Variants in RGS18 observed in about 807,000 individuals in gnomAD.
RGS18 encodes the protein regulator of G protein signaling 18, also known as regulator of G-protein signaling 18.
RGS18 carries 22 observed loss-of-function variants against 27.6 expected under a neutral mutation model. That is an observed-to-expected ratio of 0.80 (90% CI 0.57 to 1.14). The LOEUF is 1.14. RGS18 is among the 50% of genes most tolerant of loss of function. RGS18 has a pLI of 0.00. For missense variants in RGS18, 299 were observed against 269.6 expected (o/e 1.11, Z -0.76); for synonymous variants, 89 against 84.6 (o/e 1.05, Z -0.29).
chr1:192,181,412 C>G lies in RGS18; in HGVS notation c.404C>G (p.Ala135Gly). Residue 135 changes from alanine to glycine, a missense_variant, in exon 4 of 5, where the codon GCA becomes GGA. Ala to Gly is a moderately conservative substitution (Grantham distance 60, BLOSUM62 0). Coordinates refer to ENST00000367460, the MANE Select transcript of RGS18 (RefSeq NM_130782.3). ...SKGPQQIHLK[A>G]KAIYEKFIQT... ...GGACCTCAACAAATTCACCTTAAAG[C>G]AAAAGCAATATATGAGAAATTTATA... 6.3e-7 allele frequency: 1 copy of G among 1,586,330 alleles called. No individual in the cohort carries two copies.
chr1:192,181,551 T>C (rs1469998531), intron 4 of RGS18, 93 bp downstream of exon 4: 1 of 831,166 alleles, frequency 1.2e-6, no homozygotes, highest in East Asian at 3.2e-5. Flanking sequence ...TTCCAACTTA[T>C]TTTTATTAAT....
chr1:192,171,970 T>C (rs1369719676), intron 3 of RGS18, among the ~76,000 whole-genome samples: 1 of 152,092 alleles, frequency 6.6e-6, no homozygotes, highest in Admixed American at 6.6e-5. Flanking sequence ...TAAATCAAGA[T>C]GTCAGCAGGC....
At chr1:192,163,021 C>T (rs550949474) in intron 3 of RGS18, among the ~76,000 whole-genome samples, 12 of 152,246 alleles carry the variant, frequency 7.9e-5, no homozygotes, top group Non-Finnish European at 1.3e-4. Context: ...CAGTGAAATT[C>T]GAGTTTTAGT....
Position 192,181,361 on chromosome 1 carries a change from C to G in RGS18, c.353C>G (p.Ala118Gly). Reference sequence around the variant, plus strand: ...GAAGAAAATATTGAATTTTGGATAGCCTGTGAAGATTTCAAGAAAAGCAAG... The same window carrying G: ...GAAGAAAATATTGAATTTTGGATAGGCTGTGAAGATTTCAAGAAAAGCAAG... ...FSEENIEFWI[A>G]CEDFKKSKGP... The change falls in exon 4 of 5, where the codon GCC becomes GGC. Residue 118 changes from alanine (A) to glycine (G), a missense_variant. By Grantham distance (60) the Ala-to-Gly change is moderately conservative. Coordinates refer to ENST00000367460, the MANE Select transcript of RGS18 (RefSeq NM_130782.3). 6.3e-7 allele frequency: 1 copy of G among 1,588,798 alleles called. No homozygotes were observed. The highest frequency in any genetic ancestry group is 1.2e-5 in the South Asian group (1 of 86,240).
At position 192,158,617 on chromosome 1, in the gene RGS18, T is replaced by A. The variant is rs1292534645; in HGVS notation, c.-21T>A. The A allele has an allele frequency of 2.0e-6, 3 of 1,522,182 alleles. No homozygotes were observed. Among genetic ancestry groups the A allele is most frequent in the Non-Finnish European group, 8.8e-7 (1 of 1,136,540 alleles). 94.3% of individuals were successfully genotyped at this position (1,522,182 alleles called of 1,614,324 possible). Reference sequence around the variant, plus strand: ...AGGGAAGGATGTAATAAATTAGACATCTCTTCATTTTAGAGAGAAGATGGA... The same window carrying A: ...AGGGAAGGATGTAATAAATTAGACAACTCTTCATTTTAGAGAGAAGATGGA... On this transcript the variant is annotated 5_prime_UTR_variant, in exon 1 of 5. Coordinates refer to ENST00000367460, the MANE Select transcript of RGS18 (RefSeq NM_130782.3).
At chr1:192,161,067 G>T (rs1166995985) in intron 3 of RGS18, among the ~76,000 whole-genome samples, 2 of 152,126 alleles carry the variant, frequency 1.3e-5, no homozygotes, top group African/African-American at 2.4e-5. Context: ...AGCCAGGATG[G>T]TCTCAATCTG....
At chr1:192,167,510 C>T (rs1471900360) in intron 3 of RGS18, among the ~76,000 whole-genome samples, 1 of 152,068 alleles carries the variant, frequency 6.6e-6, no homozygotes, top group Non-Finnish European at 1.5e-5. Context: ...ACCTCCACCT[C>T]CTGGGTTCAA....
intron 3 of RGS18, among the ~76,000 whole-genome samples, chr1:192,161,141 C>T (rs896657657): frequency 4.6e-5 from 7 of 152,262 alleles, no homozygotes; most frequent in East Asian, 1.9e-4. Flanking sequence ...TGAACCACTG[C>T]GCCCCGCTCC....
At chr1:192,180,926 C>A (rs1315656915) in intron 3 of RGS18, among the ~76,000 whole-genome samples, 2 of 151,602 alleles carry the variant, frequency 1.3e-5, no homozygotes, top group African/African-American at 4.8e-5. Flanking sequence ...GAAGTAGGAT[C>A]CGTTCCAACT....
intron 2 of RGS18, among the ~76,000 whole-genome samples, chr1:192,159,570 T>A (rs577169107): frequency 2.0e-5 from 3 of 152,192 alleles, no homozygotes; most frequent in Admixed American, 2.0e-4. Flanking sequence ...CAGTTTTAAA[T>A]GACATGTTTT....
chr1:192,172,454 C>A (rs1352334931), intron 3 of RGS18, among the ~76,000 whole-genome samples: 2 of 151,906 alleles, frequency 1.3e-5, no homozygotes, highest in African/African-American at 4.8e-5. Flanking sequence ...CAAGCATATG[C>A]CAGCAGGCTT....
intron 3 of RGS18, among the ~76,000 whole-genome samples, chr1:192,170,162 C>T (rs1397809802): frequency 6.6e-6 from 1 of 152,076 alleles, no homozygotes; most frequent in Non-Finnish European, 1.5e-5. Flanking sequence ...CATTGCCCCA[C>T]ATTTCAAATT....
At chr1:192,167,439 A>G (rs1309558477) in intron 3 of RGS18, among the ~76,000 whole-genome samples, 1 of 149,638 alleles carries the variant, frequency 6.7e-6, no homozygotes, top group Non-Finnish European at 1.5e-5. Context: ...TTTTTTTTTT[A>G]TATTGAATCT....
chr1:192,178,488 G>A (rs1656395577), intron 3 of RGS18, among the ~76,000 whole-genome samples: 1 of 151,554 alleles, frequency 6.6e-6, no homozygotes, highest in African/African-American at 2.4e-5. Context: ...ATAGTCAGAG[G>A]TGTAATAGGA....
chr1:192,173,586 C>T (rs188513358), intron 3 of RGS18, among the ~76,000 whole-genome samples: 234 of 151,744 alleles, frequency 1.5e-3, no homozygotes, highest in African/African-American at 5.0e-3. Flanking sequence ...TATTTTTGGG[C>T]GGAGAGAAAT....
chr1:192,162,385 T>C (rs1656089406), intron 3 of RGS18, among the ~76,000 whole-genome samples: 1 of 152,156 alleles, frequency 6.6e-6, no homozygotes, highest in African/African-American at 2.4e-5. Context: ...CTCAGCTCAT[T>C]GCAACCTCCA....
chr1:192,178,037 T>G (rs1037872265), intron 3 of RGS18, among the ~76,000 whole-genome samples: 3 of 151,524 alleles, frequency 2.0e-5, no homozygotes. Flanking sequence ...GTGTGAGAGA[T>G]AGTTCCGGTC....
rs543130039 is a variant in RGS18 at position 192,178,442 on chromosome 1, TGAA to T, written c.284-2845_284-2843del. On this transcript the variant is annotated intron_variant, in intron 3 of 4. Transcript: ENST00000367460. The stretch of plus-strand genomic sequence containing the variant: ...TCAGGAAATGAGTTTAAGGGAAAGA[TGAA>T]GAAGGATAAACTGAGAAGGATTTGG... 7.8e-4 allele frequency among the ~76,000 whole-genome samples: 118 copies of T among 151,598 alleles called. 2 individuals are homozygous for T. The highest frequency in any genetic ancestry group is 2.7e-3 in the African/African-American group (110 of 41,438).
intron 4 of RGS18, among the ~76,000 whole-genome samples, chr1:192,182,629 A>T (rs944504892): frequency 1.3e-5 from 2 of 151,740 alleles, no homozygotes; most frequent in East Asian, 3.9e-4. Flanking sequence ...AATGGAAGAC[A>T]TTGTAAGATA....
Sources: allele counts gnomAD v4.1 joint callset (sites outside exome capture counted in the v4.1 genomes callset), GRCh38; gene constraint gnomAD v4.1.1; transcripts MANE v1.5; gene names NCBI Gene and HGNC (gene_info 2026-07-23, HGNC 2026-07-21).